Variants in SLC2A5 observed in about 807,000 individuals in gnomAD.
SLC2A5 encodes solute carrier family 2, facilitated glucose transporter member 5.
A neutral mutation model predicts 50.3 loss-of-function variants in SLC2A5; 56 were observed. That is an observed-to-expected ratio of 1.11 (90% CI 0.90 to 1.39). SLC2A5 has a LOEUF of 1.39. Among genes scored for constraint, SLC2A5 ranks in the 40% most tolerant of loss-of-function variants. SLC2A5 has a pLI of 0.00. For synonymous variants in SLC2A5, 269 were observed against 281.9 expected (o/e 0.95, Z 0.46); for missense variants, 566 against 650.1 (o/e 0.87, Z 1.41).
upstream of SLC2A5, among the ~76,000 whole-genome samples, chr1:9,072,796 C>CAAAAAAAAAA (rs59542603): frequency 4.7e-4 from 59 of 124,230 alleles, no homozygotes; most frequent in Non-Finnish European, 7.2e-4. Flanking sequence ...CTAAAAATGC[C>CAAAAAAAAAA]AAAAAAAAAA....
chr1:9,038,307 A>G, intron 10 of SLC2A5, 124 bp downstream of exon 10: 1 of 765,172 alleles, frequency 1.3e-6, no homozygotes, highest in Non-Finnish European at 2.3e-6. Context: ...CTTGCGGTGG[A>G]CGGGGGAAGA....
intron 4 of SLC2A5, among the ~76,000 whole-genome samples, chr1:9,044,005 A>C (rs1056791065): frequency 2.0e-5 from 3 of 150,710 alleles, no homozygotes; most frequent in African/African-American, 7.3e-5. Context: ...TACAGGCATG[A>C]GCCACCGTGC....
rs762605 is a variant in SLC2A5 at position 9,037,792 on chromosome 1, G to T, written c.1303-3C>A. The T allele has an allele frequency of 1.2e-6, 2 of 1,614,128 alleles. No individual in the cohort carries two copies. Among genetic ancestry groups the T allele is most frequent in the African/African-American group, 1.3e-5 (1 of 75,076 alleles). ...AAGCTGTACGGGCCGAGGCCCTCCTGCGGGAAGAGGGGCAGGTGACACGTG... is the reference window on the plus strand; with the variant it reads ...AAGCTGTACGGGCCGAGGCCCTCCTTCGGGAAGAGGGGCAGGTGACACGTG... On this transcript the variant is annotated splice_region_variant and splice_polypyrimidine_tract_variant and intron_variant, in intron 11 of 11. Transcript: ENST00000377424.
intron 3 of SLC2A5, among the ~76,000 whole-genome samples, chr1:9,051,423 C>T (rs1641574347): frequency 6.6e-6 from 1 of 152,012 alleles, no homozygotes; most frequent in Admixed American, 6.6e-5. Context: ...GCACTGTTGT[C>T]CAAAATGTAC....
chr1:9,075,664 A>C (rs1250623752), intron 2 of SLC2A5, among the ~76,000 whole-genome samples: 1 of 152,020 alleles, frequency 6.6e-6, no homozygotes, highest in African/African-American at 2.4e-5. Flanking sequence ...TTGGATTTTC[A>C]ATTTTTTTTT....
chr1:9,083,492 C>G (rs1642373736), intron 2 of SLC2A5, among the ~76,000 whole-genome samples: 1 of 152,190 alleles, frequency 6.6e-6, no homozygotes, highest in East Asian at 1.9e-4. Flanking sequence ...TGGATTTGAC[C>G]TAGGTTTCAC....
At chr1:9,078,073 G>A (rs1462251559) in intron 2 of SLC2A5, among the ~76,000 whole-genome samples, 1 of 152,178 alleles carries the variant, frequency 6.6e-6, no homozygotes, top group Non-Finnish European at 1.5e-5. Flanking sequence ...TGGGAAAGGG[G>A]TGGACAGTTC....
intron 3 of SLC2A5, chr1:9,049,155 G>C (rs1320347292): frequency 2.2e-6 from 1 of 456,060 alleles, no homozygotes; most frequent in Non-Finnish European, 4.4e-6. Context: ...TCTCGCAATG[G>C]AGCCCTCATG....
At chr1:9,047,573 C>G (rs937773226) in intron 4 of SLC2A5, 37 bp downstream of exon 4, 14 of 1,604,472 alleles carry the variant, frequency 8.7e-6, no homozygotes, top group Middle Eastern at 3.3e-4. Context: ...TCCTTGACGA[C>G]CCTCACAGAA....
upstream of SLC2A5, among the ~76,000 whole-genome samples, chr1:9,091,370 C>T (rs1203982386): frequency 2.0e-5 from 3 of 152,204 alleles, no homozygotes; most frequent in African/African-American, 7.2e-5. Flanking sequence ...CAACCAGTGG[C>T]ATATTTTTCC....
At chr1:9,046,731 T>C (rs757032068) in intron 4 of SLC2A5, among the ~76,000 whole-genome samples, 34 of 152,110 alleles carry the variant, frequency 2.2e-4, no homozygotes, top group Non-Finnish European at 3.8e-4. Context: ...AATACTTATC[T>C]TTACTACACG....
intron 2 of SLC2A5, among the ~76,000 whole-genome samples, chr1:9,076,856 C>T (rs1642288931): frequency 6.6e-6 from 1 of 150,434 alleles, no homozygotes; most frequent in Non-Finnish European, 1.5e-5. Context: ...GTGGCGTGAT[C>T]TCGGCTCACT....
At chr1:9,043,416 G>T (rs895869360) in intron 4 of SLC2A5, among the ~76,000 whole-genome samples, 2 of 152,162 alleles carry the variant, frequency 1.3e-5, no homozygotes, top group African/African-American at 4.8e-5. Context: ...CTTTAAAGCA[G>T]CTCTTAGCAT....
rs759378670 is a variant in SLC2A5, at chr1:9,037,595, C to A, written c.1497G>T (p.Ser499=). ...EELKELPPVT[S]EQ ...GGCTTCCTCTCCAGAGTCACTGTTC[C>A]GAAGTGACAGGTGGAAGCTCTTTCA... Residue 499 remains serine (S), a synonymous_variant, in exon 12 of 12, where the codon TCG becomes TCT. Transcript: ENST00000377424. 6.2e-7 allele frequency: 1 copy of A among 1,613,754 alleles called. No individual in the cohort carries two copies. Among genetic ancestry groups the A allele is most frequent in the South Asian group, 1.1e-5 (1 of 91,052 alleles).
chr1:9,079,939 G>GT (rs1642334858), intron 2 of SLC2A5, among the ~76,000 whole-genome samples: 1 of 152,040 alleles, frequency 6.6e-6, no homozygotes, highest in Admixed American at 6.5e-5. Flanking sequence ...CTGAAACTCC[G>GT]TCCCCATTAA....
At chr1:9,083,873 G>A (rs1183874617) in intron 2 of SLC2A5, among the ~76,000 whole-genome samples, 2 of 151,718 alleles carry the variant, frequency 1.3e-5, no homozygotes, top group African/African-American at 2.4e-5. Flanking sequence ...GGCCAGGCAC[G>A]GTGGCTCACG....
At chr1:9,085,415 TA>T (rs1223171952) in intron 1 of SLC2A5, among the ~76,000 whole-genome samples, 1 of 152,224 alleles carries the variant, frequency 6.6e-6, no homozygotes, top group Non-Finnish European at 1.5e-5. Flanking sequence ...TTCTGGTTGA[TA>T]ATTGTTTGAA....
chr1:9,065,590 C>T (rs373235265), intron 1 of SLC2A5, among the ~76,000 whole-genome samples: 3 of 152,276 alleles, frequency 2.0e-5, no homozygotes, highest in East Asian at 3.9e-4. Flanking sequence ...TCAGCCGCTG[C>T]GGTGGTTTGG....
At chr1:9,070,364 AGCCATCGTG>A (rs1642190058), upstream of SLC2A5, among the ~76,000 whole-genome samples, 3 of 152,104 alleles carry the variant, frequency 2.0e-5, no homozygotes, top group South Asian at 6.2e-4. Context: ...TACAGGCGTG[AGCCATCGTG>A]TCCGGCCTCT....
Sources: allele counts gnomAD v4.1 joint callset (sites outside exome capture counted in the v4.1 genomes callset), GRCh38; gene constraint gnomAD v4.1.1; transcripts MANE v1.5; gene names NCBI Gene and HGNC (gene_info 2026-07-23, HGNC 2026-07-21).